SDK1: variants seen among roughly 807,000 people sequenced by gnomAD.
SDK1 encodes sidekick cell adhesion molecule 1, also known as protein sidekick-1.
SDK1 carries 157 observed loss-of-function variants against 245.5 expected under a neutral mutation model. That is an observed-to-expected ratio of 0.64 (90% CI 0.56 to 0.73). The LOEUF (loss-of-function observed/expected upper bound fraction) is 0.73. Among genes scored for constraint, SDK1 ranks in the 30% least tolerant of loss-of-function variants. The pLI, the probability that SDK1 is intolerant of heterozygous loss-of-function variation, is 0.00. For synonymous variants in SDK1, 1,647 were observed against 1,278.5 expected (o/e 1.29, Z -6.15); for missense variants, 3,583 against 3,002.3 (o/e 1.19, Z -4.52).
Position 3,494,532 on chromosome 7 carries a change from G to A in SDK1, c.299-124548G>A, listed in dbSNP as rs1781963261. ...CTGAGAAATAGATATGGGGTGCACA[G>A]TGATGTTATGTATGAAGTGTGGGAT... On this transcript the variant is annotated intron_variant, in intron 1 of 44. Transcript: ENST00000404826. 3.3e-5 allele frequency among the ~76,000 whole-genome samples: 5 copies of A among 152,196 alleles called. No individual in the cohort carries two copies. The South Asian group carries it at 1.0e-3, about 32-fold the overall frequency.
chr7:3,541,580 A>C (rs60284276), intron 1 of SDK1, among the ~76,000 whole-genome samples: 2,633 of 152,294 alleles, frequency 0.017, 85 homozygotes, highest in African/African-American at 0.06. Flanking sequence ...GTACCCATGA[A>C]ACTTTATATA....
At position 4,233,299 on chromosome 7, in the gene SDK1, G is replaced by T. The variant is rs144039473; in HGVS notation, c.5872G>T (p.Ala1958Ser). ...DMFVKDIPRS[A>S]TSYTLSLDKL... ...GTTTGTGAAGGACATCCCGCGGAGC[G>T]CCACATCCTACACCCTCAGCCTGGA... The change falls in exon 41 of 45, where the codon GCC becomes TCC. Residue 1958 changes from alanine to serine, a missense_variant. Physicochemically the swap from Ala to Ser is moderately conservative, Grantham distance 99 (BLOSUM62 1). Coordinates refer to ENST00000404826, the MANE Select transcript of SDK1 (RefSeq NM_152744.4). 1 of 1,613,750 alleles carries T rather than the reference G, an allele frequency of 6.2e-7. No individual in the cohort carries two copies. The highest frequency in any genetic ancestry group is 1.7e-5 in the Admixed American group (1 of 60,006).
intron 4 of SDK1, among the ~76,000 whole-genome samples, chr7:3,763,362 G>A (rs968589605): frequency 2.6e-5 from 4 of 151,710 alleles, no homozygotes; most frequent in Non-Finnish European, 5.9e-5. Flanking sequence ...ATTTTCATAC[G>A]TACAGAAAAG....
chr7:3,621,001 A>C (rs180874937), intron 2 of SDK1, among the ~76,000 whole-genome samples: 9 of 152,204 alleles, frequency 5.9e-5, no homozygotes, highest in African/African-American at 1.9e-4. Flanking sequence ...CACCTGAGCA[A>C]TGGTGTTATA....
chr7:3,345,107 C>A (rs763360850), intron 1 of SDK1, among the ~76,000 whole-genome samples: 21 of 152,124 alleles, frequency 1.4e-4, no homozygotes, highest in Non-Finnish European at 2.9e-4. Flanking sequence ...CGGGTCTCCA[C>A]GGAATGTGGT....
intron 31 of SDK1, among the ~76,000 whole-genome samples, chr7:4,160,296 C>T (rs113514682): frequency 4.6e-5 from 7 of 152,338 alleles, no homozygotes; most frequent in African/African-American, 1.7e-4. Flanking sequence ...TTGTCGTAAT[C>T]TCTCTGACAG....
At chr7:3,368,278 C>T (rs1222219654) in intron 1 of SDK1, among the ~76,000 whole-genome samples, 1 of 152,212 alleles carries the variant, frequency 6.6e-6, no homozygotes, top group Non-Finnish European at 1.5e-5. Flanking sequence ...CTCCGTTCCC[C>T]AGACAGAATC....
chr7:4,114,757 G>A (rs761862140), intron 25 of SDK1, among the ~76,000 whole-genome samples: 7 of 152,094 alleles, frequency 4.6e-5, no homozygotes, highest in East Asian at 1.9e-4. Flanking sequence ...CCTGTTTGGC[G>A]GGTGGCTCTC....
rs1782793726 is a variant in SDK1, at chr7:3,517,579, C to T, written c.299-101501C>T. On this transcript the variant is annotated intron_variant, in intron 1 of 44. Transcript: ENST00000404826. ...ACGACTTAGGGAGCCAGGCACATAT[C>T]ACTTTTCATGACTTGCAGCTCAGAG... Among the ~76,000 whole-genome samples, 3 of 152,132 alleles carry T rather than the reference C, an allele frequency of 2.0e-5. No individual in the cohort carries two copies. The South Asian group carries it at 6.2e-4, about 32-fold the overall frequency.
At chr7:3,577,056 A>G (rs1044860610) in intron 1 of SDK1, among the ~76,000 whole-genome samples, 3 of 151,870 alleles carry the variant, frequency 2.0e-5, no homozygotes, top group African/African-American at 7.2e-5. Context: ...TGCCCAATCC[A>G]CCTTGCAAAG....
At chr7:4,192,703 C>T (rs561196743) in intron 35 of SDK1, among the ~76,000 whole-genome samples, 1 of 152,224 alleles carries the variant, frequency 6.6e-6, no homozygotes, top group African/African-American at 2.4e-5. Flanking sequence ...GTACGTGACT[C>T]CCTTTTTCAA....
At chr7:4,149,963 A>G (rs1181910789) in intron 30 of SDK1, among the ~76,000 whole-genome samples, 1 of 151,902 alleles carries the variant, frequency 6.6e-6, no homozygotes, top group Non-Finnish European at 1.5e-5. Context: ...GGGCATGCCT[A>G]GGACACGACT....
chr7:3,694,517 C>T (rs953687072), intron 4 of SDK1, among the ~76,000 whole-genome samples: 15 of 151,956 alleles, frequency 9.9e-5, no homozygotes, highest in Non-Finnish European at 1.8e-4. Context: ...ACACCTCAGT[C>T]GGGGACCTCT....
At chr7:3,333,444 G>A (rs1385316411) in intron 1 of SDK1, among the ~76,000 whole-genome samples, 1 of 152,100 alleles carries the variant, frequency 6.6e-6, no homozygotes, top group Non-Finnish European at 1.5e-5. Flanking sequence ...ACTATGGAAT[G>A]CTTATCTTTT....
At chr7:4,121,812 T>C (rs761455945) in intron 25 of SDK1, among the ~76,000 whole-genome samples, 3 of 152,220 alleles carry the variant, frequency 2.0e-5, no homozygotes, top group Non-Finnish European at 4.4e-5. Context: ...TTCTTTCTTA[T>C]TTTGAGGGTT....
intron 1 of SDK1, among the ~76,000 whole-genome samples, chr7:3,466,250 T>C (rs1327669419): frequency 2.0e-5 from 3 of 151,640 alleles, no homozygotes; most frequent in African/African-American, 7.3e-5. Context: ...CTTTATATGC[T>C]AGTTCTGGGA....
intron 1 of SDK1, among the ~76,000 whole-genome samples, chr7:3,571,937 A>C (rs536378136): frequency 2.0e-5 from 3 of 152,154 alleles, no homozygotes; most frequent in African/African-American, 7.2e-5. Context: ...ATCCCATCCC[A>C]TCCCTTCTCT....
At chr7:3,608,297 A>T (rs1396058509) in intron 1 of SDK1, among the ~76,000 whole-genome samples, 1 of 152,196 alleles carries the variant, frequency 6.6e-6, no homozygotes, top group East Asian at 1.9e-4. Context: ...CGGTTGTCTC[A>T]AGGCAAAGGA....
At chr7:3,759,021 C>T (rs546237086) in intron 4 of SDK1, among the ~76,000 whole-genome samples, 3 of 152,310 alleles carry the variant, frequency 2.0e-5, no homozygotes, top group South Asian at 2.1e-4. Context: ...AAACCTGACT[C>T]GCATTATCCA....
Sources: gnomAD v4.1 joint callset for allele counts (sites outside exome capture counted in the v4.1 genomes callset) on GRCh38, gnomAD v4.1.1 for gene constraint, MANE v1.5 for transcripts, NCBI Gene and HGNC (gene_info 2026-07-23, HGNC 2026-07-21) for gene names.